The following TMEM121B variants were observed in gnomAD, a reference collection of about 807,000 sequenced individuals.
The protein encoded by TMEM121B is transmembrane protein 121B, also known as cat eye syndrome chromosome region, candidate 6.
TMEM121B carries 14 observed loss-of-function variants against 25.1 expected under a neutral mutation model. The observed-to-expected ratio is 0.56, with a 90% CI of 0.37 to 0.87. The LOEUF (loss-of-function observed/expected upper bound fraction) is 0.87, where lower values mean the gene tolerates loss of function less well. Among genes scored for constraint, TMEM121B ranks in the 40% least tolerant of loss-of-function variants. The pLI is 0.00. For missense variants in TMEM121B, 850 were observed against 854.6 expected (o/e 0.99, Z 0.07); for synonymous variants, 458 against 420.9 (o/e 1.09, Z -1.08).
chr22:17,120,552 G>A lies in TMEM121B; in HGVS notation c.576C>T (p.Pro192=). 6.6e-7 allele frequency: 1 copy of A among 1,513,114 alleles called. No homozygotes were observed. Among genetic ancestry groups the A allele is most frequent in the Non-Finnish European group, 8.8e-7 (1 of 1,135,376 alleles). The allele number at this position is 1,513,114 out of a possible 1,614,324, so 93.7% of individuals were successfully genotyped here. The stretch of plus-strand genomic sequence containing the variant: ...GGTAGCCCCAGCGGCACCTGGGACT[G>A]GGGGCGCAGCCGCGGCGCCGACCTC... ...GRRGRRRGCA[P]SPRCRWGYQA... Residue 192 remains proline (P), a synonymous_variant, in exon 1 of 1, where the codon CCC becomes CCT. Coordinates refer to ENST00000331437, the MANE Select transcript of TMEM121B (RefSeq NM_031890.4).
In TMEM121B at chr22:17,119,299, A is replaced by C; in HGVS notation, c.*92T>G. ...GCCCTGAAAAGGGTTACCTCTTCCA[A>C]ATAGACCCTGATCAAATCTAGGTGA... On this transcript the variant is annotated 3_prime_UTR_variant, in exon 1 of 1. Transcript: ENST00000331437. 1.3e-6 allele frequency: 2 copies of C among 1,514,572 alleles called. No individual in the cohort carries two copies. Among genetic ancestry groups the C allele is most frequent in the Non-Finnish European group, 1.8e-6 (2 of 1,136,576 alleles). The allele number at this position is 1,514,572 out of a possible 1,614,324, so 93.8% of individuals were successfully genotyped here.
chr22:17,120,072 G>A lies in TMEM121B; in HGVS notation c.1056C>T (p.Phe352=), dbSNP rs1474359443. 6.2e-7 allele frequency: 1 copy of A among 1,611,028 alleles called. No homozygotes were observed. The highest frequency in any genetic ancestry group is 8.5e-7 in the Non-Finnish European group (1 of 1,179,584). Residue 352 remains phenylalanine (F), a synonymous_variant, in exon 1 of 1, where the codon TTC becomes TTT. Transcript: ENST00000331437. ...ELRAPFGTTG[F]RLTMALSVPL... is the part of the protein sequence containing the mutation. ...GCACCGACAGCGCCATGGTGAGACG[G>A]AAGCCCGTGGTGCCGAAGGGCGCGC...
Position 17,118,164 on chromosome 22 carries a change from C to A in TMEM121B, c.*1227G>T, listed in dbSNP as rs1168791256. ...GTCCCCGGATGTCTCTTGTCATCAC[C>A]CTCAATGAGAGGAAGAGGGAAAGTT... On this transcript the variant is annotated 3_prime_UTR_variant, in exon 1 of 1. Transcript: ENST00000331437. 3 of 152,242 alleles carry A rather than the reference C, an allele frequency of 2.0e-5. No individual in the cohort carries two copies. The highest frequency in any genetic ancestry group is 2.0e-4 in the Admixed American group (3 of 15,286). 9.4% of individuals were successfully genotyped at this position (152,242 alleles called of 1,614,324 possible).
rs2061498315 is a variant in TMEM121B, at chr22:17,121,136, G to A, written c.-9C>T. The A allele has an allele frequency of 7.5e-7, 1 of 1,337,058 alleles. No homozygotes were observed. The highest frequency in any genetic ancestry group is 3.2e-5 in the East Asian group (1 of 31,666). The allele number at this position is 1,337,058 out of a possible 1,614,324, so 82.8% of individuals were successfully genotyped here. On this transcript the variant is annotated 5_prime_UTR_variant, in exon 1 of 1. Coordinates refer to ENST00000331437, the MANE Select transcript of TMEM121B (RefSeq NM_031890.4). Reference sequence around the variant, plus strand: ...CCGAGCGCCGGGCGCATTGTCCTCCGAGGGGCTCTGGGGCCGCCCAGCTGT... The same window carrying A: ...CCGAGCGCCGGGCGCATTGTCCTCCAAGGGGCTCTGGGGCCGCCCAGCTGT...
At position 17,119,364 on chromosome 22, in the gene TMEM121B, A is replaced by C; in HGVS notation, c.*27T>G. The C allele has an allele frequency of 6.5e-7, 1 of 1,549,920 alleles. No homozygotes were observed. Among genetic ancestry groups the C allele is most frequent in the Non-Finnish European group, 8.7e-7 (1 of 1,151,708 alleles). ...CAAGGGGGTTGGGGACTCTCAACCC[A>C]AAAACAAGGACCCGTGCCCTTCACC... On this transcript the variant is annotated 3_prime_UTR_variant, in exon 1 of 1. Coordinates refer to ENST00000331437, the MANE Select transcript of TMEM121B (RefSeq NM_031890.4).
Position 17,119,937 on chromosome 22 carries a change from C to G in TMEM121B, c.1191G>C (p.Leu397=). The change falls in exon 1 of 1, where the codon CTG becomes CTC. Residue 397 remains leucine (L), a synonymous_variant. Transcript: ENST00000331437. ...PQRHRAAGCF[L]GTCLDLLDSF... ...TGTCGAGCAGGTCCAAGCACGTGCCCAGGAAGCATCCGGCCGCGCGGTGCC... is the reference window on the plus strand; with the variant it reads ...TGTCGAGCAGGTCCAAGCACGTGCCGAGGAAGCATCCGGCCGCGCGGTGCC... 6.4e-7 allele frequency: 1 copy of G among 1,572,176 alleles called. No homozygotes were observed. Among genetic ancestry groups the G allele is most frequent in the Non-Finnish European group, 8.6e-7 (1 of 1,164,994 alleles).
rs1463004322 is a variant in TMEM121B, at chr22:17,119,597, C to T, written c.1531G>A (p.Gly511Ser). The T allele has an allele frequency of 6.5e-7, 1 of 1,545,768 alleles. No homozygotes were observed. ...CAGCAGCCCTCCAGGGCCTCCAGGC[C>T]CCGGCAGCCGAGGAAGAAGAGGTTC... The part of the protein sequence containing the change: ...LKNLFFLGCR[G>S]LEALEGCWDR... The change falls in exon 1 of 1, where the codon GGC becomes AGC. Residue 511 changes from glycine to serine, a missense_variant. By Grantham distance (56) the Gly-to-Ser change is moderately conservative (BLOSUM62 0). Coordinates refer to ENST00000331437, the MANE Select transcript of TMEM121B (RefSeq NM_031890.4).
rs747320506 is a variant in TMEM121B, at chr22:17,120,399, G to A, written c.729C>T (p.Ile243=). ...TDLVVVVGWA[I]FFAKNSRGRR... is the part of the protein sequence containing the mutation. Reference sequence around the variant, plus strand: ...GGCCCCGGCTGTTCTTGGCGAAGAAGATGGCCCAGCCCACCACCACCACCA... The same window carrying A: ...GGCCCCGGCTGTTCTTGGCGAAGAAAATGGCCCAGCCCACCACCACCACCA... The change falls in exon 1 of 1, where the codon ATC becomes ATT. Residue 243 remains isoleucine (I), a synonymous_variant. Coordinates refer to ENST00000331437, the MANE Select transcript of TMEM121B (RefSeq NM_031890.4). 2.6e-6 allele frequency: 4 copies of A among 1,563,254 alleles called. No homozygotes were observed. Among genetic ancestry groups the A allele is most frequent in the Non-Finnish European group, 3.4e-6 (4 of 1,161,396 alleles).
Position 17,119,754 on chromosome 22 carries a change from C to G in TMEM121B, c.1374G>C (p.Gln458His). ...GGCTGCAGCTGCCAGGCCCGGAGGC[C>G]TGGCCCCAGGATGCAGCCGCTGCGG... Reference protein sequence around the residue: ...AAAAAAASWGQASGPGSCSRL... With the variant: ...AAAAAAASWGHASGPGSCSRL... The change falls in exon 1 of 1, where the codon CAG becomes CAC. Residue 458 changes from glutamine to histidine, a missense_variant. Coordinates refer to ENST00000331437, the MANE Select transcript of TMEM121B (RefSeq NM_031890.4). 1 of 1,557,396 alleles carries G rather than the reference C, an allele frequency of 6.4e-7. No individual in the cohort carries two copies. Among genetic ancestry groups the G allele is most frequent in the Non-Finnish European group, 8.6e-7 (1 of 1,159,228 alleles).
rs1201685943 is a variant in TMEM121B at position 17,120,864 on chromosome 22, C to A, written c.264G>T (p.Pro88=). 5.2e-6 allele frequency: 7 copies of A among 1,346,442 alleles called. No homozygotes were observed. Among genetic ancestry groups the A allele is most frequent in the Middle Eastern group, 2.7e-4 (1 of 3,684 alleles). The allele number at this position is 1,346,442 out of a possible 1,614,324, so 83.4% of individuals were successfully genotyped here. The change falls in exon 1 of 1, where the codon CCG becomes CCT. Residue 88 remains proline (P), a synonymous_variant. Coordinates refer to ENST00000331437, the MANE Select transcript of TMEM121B (RefSeq NM_031890.4). Reference sequence around the variant, plus strand: ...CCAGGAGCGCGGCGTTGGGCACCAGCGGCTTGCTGACGCTGAGGCTCTCGT... The same window carrying A: ...CCAGGAGCGCGGCGTTGGGCACCAGAGGCTTGCTGACGCTGAGGCTCTCGT... ...DDDESLSVSK[P]LVPNAALLGP... is the part of the protein sequence containing the mutation.
Position 17,118,939 on chromosome 22 carries a change from C to A in TMEM121B, c.*452G>T. Reference sequence around the variant, plus strand: ...GAGACATACACTTTGTATCTATCACCTGGAAGAAATCCAAGAGACACATCA... The same window carrying A: ...GAGACATACACTTTGTATCTATCACATGGAAGAAATCCAAGAGACACATCA... On this transcript the variant is annotated 3_prime_UTR_variant, in exon 1 of 1. Transcript: ENST00000331437. 1 of 179,420 alleles carries A rather than the reference C, an allele frequency of 5.6e-6. No individual in the cohort carries two copies. 11.1% of individuals were successfully genotyped at this position (179,420 alleles called of 1,614,324 possible). A position where few individuals can be genotyped will look rare whatever the true frequency, so the allele number is the denominator to read the frequency against.
In TMEM121B at chr22:17,121,011, G is replaced by A. The variant is rs1266420497; in HGVS notation, c.117C>T (p.Gly39=). Residue 39 remains glycine, a synonymous_variant, in exon 1 of 1, where the codon GGC becomes GGT. Transcript: ENST00000331437. ...TGCTGCTGTCGCCGGAGCCTCTCCG[G>A]CCGCGGAAGGAGCCCCCGCGGAGGA... ...PLFLRGGSFR[G]RRGSGDSSTS... 2 of 1,469,420 alleles carry A rather than the reference G, an allele frequency of 1.4e-6. No homozygotes were observed. The highest frequency in any genetic ancestry group is 1.8e-6 in the Non-Finnish European group (2 of 1,113,098). The allele number at this position is 1,469,420 out of a possible 1,614,324, so 91.0% of individuals were successfully genotyped here.
At position 17,119,412 on chromosome 22, in the gene TMEM121B, C is replaced by T. The variant is rs752727911; in HGVS notation, c.1716G>A (p.Leu572=). The change falls in exon 1 of 1, where the codon CTG becomes CTA. Residue 572 remains leucine (L), a synonymous_variant. Transcript: ENST00000331437. ...EGGAHGYVNT[L]AVASQN ...ACCCTCAATTCTGAGAGGCCACAGCCAGGGTGTTGACATAGCCATGAGCAC... is the reference window on the plus strand; with the variant it reads ...ACCCTCAATTCTGAGAGGCCACAGCTAGGGTGTTGACATAGCCATGAGCAC... 6.2e-7 allele frequency: 1 copy of T among 1,604,470 alleles called. No individual in the cohort carries two copies. Among genetic ancestry groups the T allele is most frequent in the East Asian group, 2.3e-5 (1 of 44,256 alleles).
Position 17,117,500 on chromosome 22 carries a change from G to C in TMEM121B, c.*1891C>G, listed in dbSNP as rs1444213203. On this transcript the variant is annotated 3_prime_UTR_variant, in exon 1 of 1. Transcript: ENST00000331437. Reference sequence around the variant, plus strand: ...AAGAGGGGGCTTCAAGTGGGAGGCGGGGGCTTGGCCTGGGTGCTGAGTTAA... The same window carrying C: ...AAGAGGGGGCTTCAAGTGGGAGGCGCGGGCTTGGCCTGGGTGCTGAGTTAA... The C allele has an allele frequency of 6.6e-6, 1 of 152,542 alleles. No homozygotes were observed. The highest frequency in any genetic ancestry group is 1.5e-5 in the Non-Finnish European group (1 of 68,126). 9.4% of individuals were successfully genotyped at this position (152,542 alleles called of 1,614,324 possible). A position where few individuals can be genotyped will look rare whatever the true frequency, so the allele number is the denominator to read the frequency against.
rs759784023 is a variant in TMEM121B, at chr22:17,119,796, G to C, written c.1332C>G (p.Tyr444Ter). 1.3e-6 allele frequency: 2 copies of C among 1,585,104 alleles called. No individual in the cohort carries two copies. Among genetic ancestry groups the C allele is most frequent in the Non-Finnish European group, 1.7e-6 (2 of 1,173,848 alleles). The change falls in exon 1 of 1, where the codon TAC (tyrosine) becomes TAG (stop). Residue 444 changes from tyrosine to a stop codon, truncating the protein, a stop_gained. Coordinates refer to ENST00000331437, the MANE Select transcript of TMEM121B (RefSeq NM_031890.4). LOFTEE classifies it high-confidence loss of function. ...CCGCTGCGGCCGCGGCGTTGAGCTCGTAGAGCCAGAGCACCGGCGAGGCGA... is the reference window on the plus strand; with the variant it reads ...CCGCTGCGGCCGCGGCGTTGAGCTCCTAGAGCCAGAGCACCGGCGAGGCGA... The part of the protein sequence containing the change: ...LTLASPVLWL[Y>*]ELNAAAAAAA...
Position 17,120,858 on chromosome 22 carries a change from C to T in TMEM121B, c.270G>A (p.Val90=), listed in dbSNP as rs9606620. ...GCGGCCCCAGGAGCGCGGCGTTGGGCACCAGCGGCTTGCTGACGCTGAGGC... is the reference window on the plus strand; with the variant it reads ...GCGGCCCCAGGAGCGCGGCGTTGGGTACCAGCGGCTTGCTGACGCTGAGGC... ...DESLSVSKPL[V]PNAALLGPPA... is the part of the protein sequence containing the mutation. Residue 90 remains valine, a synonymous_variant, in exon 1 of 1, where the codon GTG becomes GTA. Transcript: ENST00000331437. 442,267 of 1,337,402 alleles carry T rather than the reference C, an allele frequency of 0.33. 76,456 individuals carry two copies. Among genetic ancestry groups the T allele is most frequent in the African/African-American group, 0.54 (35,647 of 65,590 alleles). The allele number at this position is 1,337,402 out of a possible 1,614,324, so 82.8% of individuals were successfully genotyped here.
In TMEM121B at chr22:17,119,290, C is replaced by T; in HGVS notation, c.*101G>A. The T allele has an allele frequency of 6.6e-7, 1 of 1,504,864 alleles. No individual in the cohort carries two copies. The highest frequency in any genetic ancestry group is 8.8e-7 in the Non-Finnish European group (1 of 1,130,184). 93.2% of individuals were successfully genotyped at this position (1,504,864 alleles called of 1,614,324 possible). ...TGGCCCTTAGCCCTGAAAAGGGTTA[C>T]CTCTTCCAAATAGACCCTGATCAAA... On this transcript the variant is annotated 3_prime_UTR_variant, in exon 1 of 1. Transcript: ENST00000331437.
chr22:17,120,224 G>C lies in TMEM121B; in HGVS notation c.904C>G (p.Leu302Val). The part of the protein sequence containing the change: ...RGGAGGAGGG[L>V]GAAAAAGEFA... Reference sequence around the variant, plus strand: ...TCGCCCGCTGCCGCGGCCGCCCCCAGGCCGCCCCCCGCGCCGCCGGCGCCC... The same window carrying C: ...TCGCCCGCTGCCGCGGCCGCCCCCACGCCGCCCCCCGCGCCGCCGGCGCCC... Residue 302 changes from leucine (L) to valine (V), a missense_variant, in exon 1 of 1, where the codon CTG (leucine) becomes GTG (valine). By Grantham distance (32) the Leu-to-Val change is conservative (BLOSUM62 1). Transcript: ENST00000331437. 1 of 1,365,508 alleles carries C rather than the reference G, an allele frequency of 7.3e-7. No individual in the cohort carries two copies. The highest frequency in any genetic ancestry group is 9.4e-7 in the Non-Finnish European group (1 of 1,062,174). The allele number at this position is 1,365,508 out of a possible 1,614,324, so 84.6% of individuals were successfully genotyped here.
In TMEM121B at chr22:17,120,654, G is replaced by T. The variant is rs1280148231; in HGVS notation, c.474C>A (p.Gly158=). Reference sequence around the variant, plus strand: ...AGGCGCCGCTGCCGGTCCCGGTGCCGCCCGCGCCCCCCGCCGAGCGGCTCC... The same window carrying T: ...AGGCGCCGCTGCCGGTCCCGGTGCCTCCCGCGCCCCCCGCCGAGCGGCTCC... The part of the protein sequence containing the change: ...GPGSRSAGGA[G]GTGTGSGASC... Residue 158 remains glycine (G), a synonymous_variant, in exon 1 of 1, where the codon GGC becomes GGA. Transcript: ENST00000331437. The T allele has an allele frequency of 1.7e-6, 2 of 1,179,496 alleles. No individual in the cohort carries two copies. The allele number at this position is 1,179,496 out of a possible 1,614,324, so 73.1% of individuals were successfully genotyped here.
Sources: allele counts gnomAD v4.1 joint callset, GRCh38; gene constraint gnomAD v4.1.1; transcripts MANE v1.5; gene names NCBI Gene and HGNC (gene_info 2026-07-23, HGNC 2026-07-21).